The following PFKFB3 variants were observed in gnomAD, a reference collection of about 807,000 sequenced individuals.
The protein encoded by PFKFB3 is 6-phosphofructo-2-kinase/fructose-2,6-bisphosphatase 3.
A neutral mutation model predicts 68.0 loss-of-function variants in PFKFB3; 33 were observed. That is an observed-to-expected ratio of 0.49 (90% CI 0.37 to 0.65). The LOEUF is 0.65. PFKFB3 is among the 30% of genes least tolerant of loss of function. The probability of loss-of-function intolerance (pLI) is 0.00; values close to 1 mark genes in which losing one functional copy is unlikely to be tolerated. For missense variants in PFKFB3, 586 were observed against 712.2 expected (o/e 0.82, Z 2.02); for synonymous variants, 315 against 288.2 (o/e 1.09, Z -0.94).
chr10:6,200,393 G>T (rs1330312791), upstream of PFKFB3, among the ~76,000 whole-genome samples: 1 of 152,116 alleles, frequency 6.6e-6, no homozygotes, highest in Non-Finnish European at 1.5e-5. Context: ...GGTGAAGATG[G>T]GGCATTAGCA....
intron 14 of PFKFB3, among the ~76,000 whole-genome samples, chr10:6,252,825 CTGTT>C (rs762767628): frequency 4.6e-5 from 7 of 152,284 alleles, no homozygotes; most frequent in South Asian, 4.1e-4. Flanking sequence ...ACATAGCACA[CTGTT>C]AATAGAGGTA....
chr10:6,197,208 C>T (rs927276309), intron 1 of PFKFB3, among the ~76,000 whole-genome samples: 19 of 152,242 alleles, frequency 1.2e-4, no homozygotes, highest in Non-Finnish European at 2.6e-4. Flanking sequence ...AACTCCTGAA[C>T]TCAGATGATC....
intron 14 of PFKFB3, among the ~76,000 whole-genome samples, chr10:6,241,037 TG>T (rs1846127984): frequency 6.6e-6 from 1 of 152,086 alleles, no homozygotes; most frequent in Non-Finnish European, 1.5e-5. Context: ...CCCAAGTAGC[TG>T]GGATTACAGG....
At chr10:6,148,073 A>G (rs753469161) in intron 1 of PFKFB3, among the ~76,000 whole-genome samples, 35 of 152,344 alleles carry the variant, frequency 2.3e-4, no homozygotes, top group Admixed American at 6.5e-4. Context: ...GGCACTTGCT[A>G]TGCACCAGCA....
chr10:6,289,671 T>C, the PFKFB3 span, among the ~76,000 whole-genome samples: 1 of 152,170 alleles, frequency 6.6e-6, no homozygotes, highest in Non-Finnish European at 1.5e-5. Flanking sequence ...TGGCTTAGGA[T>C]TGACTTGGCG....
the PFKFB3 span, among the ~76,000 whole-genome samples, chr10:6,278,823 A>G: frequency 7.0e-6 from 1 of 141,978 alleles, no homozygotes; most frequent in East Asian, 2.0e-4. Context: ...CATAGGAGCC[A>G]TTTAAGGAGA....
At chr10:6,174,144 T>G (rs965118566) in intron 1 of PFKFB3, among the ~76,000 whole-genome samples, 2 of 152,088 alleles carry the variant, frequency 1.3e-5, no homozygotes, top group Non-Finnish European at 2.9e-5. Context: ...CCTGTATTTT[T>G]TCTGCTGACT....
intron 13 of PFKFB3, among the ~76,000 whole-genome samples, 165 bp from the exon 14 acceptor site, chr10:6,226,027 G>A (rs908471410): frequency 5.9e-5 from 9 of 152,178 alleles, no homozygotes; most frequent in South Asian, 2.1e-4. Flanking sequence ...GGCAGTCACC[G>A]CACACTCAGC....
intron 1 of PFKFB3, among the ~76,000 whole-genome samples, chr10:6,205,974 AT>A (rs71390197): frequency 0.25 from 36,976 of 145,962 alleles, 4,937 homozygotes; most frequent in Non-Finnish European, 0.31. Context: ...ATTAAAAAAA[AT>A]TTTTTTTTTT....
the PFKFB3 span, among the ~76,000 whole-genome samples, chr10:6,308,125 A>C: frequency 6.6e-6 from 1 of 152,192 alleles, no homozygotes; most frequent in East Asian, 1.9e-4. Context: ...AGCAGTTTAA[A>C]ATGGATCAAG....
chr10:6,284,004 C>G, the PFKFB3 span, among the ~76,000 whole-genome samples: 1 of 152,164 alleles, frequency 6.6e-6, no homozygotes, highest in Non-Finnish European at 1.5e-5. Flanking sequence ...AGAGAGCTTC[C>G]TCCTCTCTCC....
Position 6,195,034 on chromosome 10 carries a change from G to A in PFKFB3, c.17-18589G>A, listed in dbSNP as rs555990478. Among the ~76,000 whole-genome samples the A allele has an allele frequency of 2.3e-3, 349 of 152,048 alleles. 3 individuals are homozygous for A. The highest frequency in any genetic ancestry group is 8.0e-3 in the African/African-American group (333 of 41,460). On this transcript the variant is annotated intron_variant, in intron 1 of 14. Transcript: ENST00000379789. ...ATTACAGGCACCTCTTACCATACCT[G>A]GCTAATTTTTGTATTTTTATAGAGA...
At chr10:6,179,760 G>A (rs933095282) in intron 1 of PFKFB3, among the ~76,000 whole-genome samples, 9 of 152,242 alleles carry the variant, frequency 5.9e-5, no homozygotes, top group African/African-American at 1.2e-4. Flanking sequence ...GCATGCAGAC[G>A]CCAGGATTAT....
chr10:6,207,271 A>AC (rs1843845486), intron 1 of PFKFB3, among the ~76,000 whole-genome samples: 1 of 152,184 alleles, frequency 6.6e-6, no homozygotes, highest in South Asian at 2.1e-4. Flanking sequence ...CCCCGTCTCC[A>AC]CCAAAAAAAT....
chr10:6,225,915 C>T (rs1845316999), intron 13 of PFKFB3, among the ~76,000 whole-genome samples: 1 of 152,162 alleles, frequency 6.6e-6, no homozygotes, highest in African/African-American at 2.4e-5. Context: ...ATCATTCTTT[C>T]CCTCCTTGCT....
chr10:6,153,539 G>A (rs1179124602), intron 1 of PFKFB3, among the ~76,000 whole-genome samples: 1 of 152,060 alleles, frequency 6.6e-6, no homozygotes, highest in Non-Finnish European at 1.5e-5. Flanking sequence ...TGAATGCCAA[G>A]AAGAAAATAA....
chr10:6,240,498 A>T (rs1419210557), downstream of PFKFB3, among the ~76,000 whole-genome samples: 2 of 152,092 alleles, frequency 1.3e-5, no homozygotes, highest in Non-Finnish European at 1.5e-5. Context: ...CTCCAACCTC[A>T]GGTGATCCGC....
At chr10:6,172,301 G>A (rs1842339309) in intron 1 of PFKFB3, among the ~76,000 whole-genome samples, 1 of 152,196 alleles carries the variant, frequency 6.6e-6, no homozygotes, top group Non-Finnish European at 1.5e-5. Flanking sequence ...GCGCACAGGC[G>A]GGCCTTTTGG....
intron 14 of PFKFB3, among the ~76,000 whole-genome samples, chr10:6,253,368 A>T (rs1384573964): frequency 6.6e-6 from 1 of 152,208 alleles, no homozygotes; most frequent in Non-Finnish European, 1.5e-5. Flanking sequence ...TTGAAGGATG[A>T]AAAACAAATT....
Sources: allele counts gnomAD v4.1 joint callset (sites outside exome capture counted in the v4.1 genomes callset), GRCh38; gene constraint gnomAD v4.1.1; transcripts MANE v1.5; gene names NCBI Gene and HGNC (gene_info 2026-07-23, HGNC 2026-07-21).